FRMD4A: variants seen among roughly 807,000 people sequenced by gnomAD.
The protein encoded by FRMD4A is FERM domain-containing protein 4A.
A neutral mutation model predicts 129.1 loss-of-function variants in FRMD4A; 29 were observed. The observed-to-expected ratio is 0.22, with a 90% CI of 0.17 to 0.31. FRMD4A has a LOEUF of 0.31. Ranked by LOEUF, FRMD4A falls within the 10% of genes least tolerant of loss-of-function variation. The probability of loss-of-function intolerance (pLI) is 1.00; values close to 1 mark genes in which losing one functional copy is unlikely to be tolerated. For synonymous variants in FRMD4A, 634 were observed against 571.6 expected (o/e 1.11, Z -1.56); for missense variants, 1,272 against 1,375.8 (o/e 0.92, Z 1.19).
intron 3 of FRMD4A, among the ~76,000 whole-genome samples, chr10:13,831,693 C>A (rs907924497): frequency 1.3e-5 from 2 of 152,164 alleles, no homozygotes; most frequent in African/African-American, 4.8e-5. Flanking sequence ...ATAATTATTA[C>A]TTACTGCTTG....
At chr10:14,079,951 T>C (rs899124812) in intron 2 of FRMD4A, among the ~76,000 whole-genome samples, 15 of 152,116 alleles carry the variant, frequency 9.9e-5, no homozygotes, top group East Asian at 3.9e-4. Context: ...ATGAAATCAC[T>C]CCCTGTGTCC....
chr10:14,227,743 T>C (rs1843494818), intron 2 of FRMD4A, among the ~76,000 whole-genome samples: 1 of 152,230 alleles, frequency 6.6e-6, no homozygotes, highest in Non-Finnish European at 1.5e-5. Context: ...TGAGATGCTA[T>C]TGGTCACACA....
At chr10:14,282,336 A>G (rs1845547881) in intron 2 of FRMD4A, among the ~76,000 whole-genome samples, 1 of 152,196 alleles carries the variant, frequency 6.6e-6, no homozygotes, top group Non-Finnish European at 1.5e-5. Context: ...TAGACCAAGA[A>G]GTTTCACAGT....
At chr10:13,956,800 T>A (rs371807853) in intron 2 of FRMD4A, among the ~76,000 whole-genome samples, 3 of 152,220 alleles carry the variant, frequency 2.0e-5, no homozygotes, top group East Asian at 1.9e-4. Flanking sequence ...TAAGATTTCA[T>A]AAAACAGCAA....
At chr10:13,832,094 T>C (rs1224568128) in intron 3 of FRMD4A, among the ~76,000 whole-genome samples, 5 of 152,158 alleles carry the variant, frequency 3.3e-5, no homozygotes, top group South Asian at 4.1e-4. Flanking sequence ...TGGGCTCTGA[T>C]GATCAATTAC....
chr10:13,749,188 C>T (rs12218115), intron 8 of FRMD4A, among the ~76,000 whole-genome samples: 41,331 of 152,052 alleles, frequency 0.27, 5,920 homozygotes, highest in African/African-American at 0.36. Context: ...AAGCCTTAGC[C>T]GGGGTTGCAA....
chr10:13,843,128 G>A (rs1268867501), intron 3 of FRMD4A, among the ~76,000 whole-genome samples: 3 of 152,156 alleles, frequency 2.0e-5, no homozygotes, highest in African/African-American at 7.2e-5. Flanking sequence ...AACTGCTACA[G>A]CCTTAATCCA....
chr10:13,880,370 C>T (rs4258282), intron 2 of FRMD4A, among the ~76,000 whole-genome samples: 1,954 of 152,326 alleles, frequency 0.013, 48 homozygotes, highest in African/African-American at 0.045. Context: ...GTTCTGTCTT[C>T]AGAATATCCA....
chr10:14,211,497 G>A (rs1842932417), intron 2 of FRMD4A, among the ~76,000 whole-genome samples: 1 of 152,196 alleles, frequency 6.6e-6, no homozygotes, highest in East Asian at 1.9e-4. Flanking sequence ...TATTTCTACA[G>A]AACTGCTATA....
chr10:13,957,818 C>G (rs766475281), intron 2 of FRMD4A, among the ~76,000 whole-genome samples: 6 of 152,132 alleles, frequency 3.9e-5, no homozygotes, highest in Admixed American at 2.6e-4. Context: ...AAAACTCGCT[C>G]ACTCACTCCT....
At chr10:13,905,767 C>T (rs1227989184) in intron 2 of FRMD4A, among the ~76,000 whole-genome samples, 1 of 152,152 alleles carries the variant, frequency 6.6e-6, no homozygotes, top group Non-Finnish European at 1.5e-5. Flanking sequence ...AGATTTGTAT[C>T]CAAGTCAATT....
intron 2 of FRMD4A, among the ~76,000 whole-genome samples, chr10:14,114,064 T>G (rs1466615985): frequency 6.6e-6 from 1 of 152,158 alleles, no homozygotes; most frequent in Non-Finnish European, 1.5e-5. Context: ...CACACGTACT[T>G]GTGGGTATGG....
At chr10:14,261,062 A>G (rs149851213) in intron 2 of FRMD4A, among the ~76,000 whole-genome samples, 1 of 152,126 alleles carries the variant, frequency 6.6e-6, no homozygotes, top group African/African-American at 2.4e-5. Flanking sequence ...GTCAATAAAC[A>G]TATGGGACTG....
intron 2 of FRMD4A, chr10:14,326,832 G>A (rs1218444): frequency 5.0e-6 from 2 of 398,530 alleles, no homozygotes; most frequent in Non-Finnish European, 8.8e-6. Context: ...CTCCTCACGG[G>A]TTGGTGAACA....
intron 2 of FRMD4A, among the ~76,000 whole-genome samples, chr10:13,955,076 T>G (rs928325899): frequency 7.3e-5 from 11 of 150,232 alleles, no homozygotes; most frequent in African/African-American, 2.7e-4. Context: ...GGTAAGGTAG[T>G]CTTCCAACTC....
chr10:14,159,369 T>A (rs965510850), intron 2 of FRMD4A, among the ~76,000 whole-genome samples: 8 of 152,034 alleles, frequency 5.3e-5, no homozygotes, highest in Middle Eastern at 3.4e-3. Context: ...TCACTTACAA[T>A]TGCTGCCAAA....
At chr10:14,092,032 A>G (rs1485727345) in intron 2 of FRMD4A, among the ~76,000 whole-genome samples, 3 of 152,072 alleles carry the variant, frequency 2.0e-5, no homozygotes, top group Non-Finnish European at 4.4e-5. Flanking sequence ...ATTCCCCTGA[A>G]CCCCACCTCA....
chr10:13,882,855 G>T (rs888671517), intron 2 of FRMD4A, among the ~76,000 whole-genome samples: 2 of 150,700 alleles, frequency 1.3e-5, no homozygotes, highest in Non-Finnish European at 2.9e-5. Flanking sequence ...CCAGGCTGGA[G>T]TGCAGTGGCA....
At chr10:13,669,642 A>C (rs1474781255) in intron 17 of FRMD4A, among the ~76,000 whole-genome samples, 1 of 152,220 alleles carries the variant, frequency 6.6e-6, no homozygotes, top group African/African-American at 2.4e-5. Context: ...TTAATTAGTA[A>C]CTTCCTTCAG....
Sources: allele counts gnomAD v4.1 joint callset (sites outside exome capture counted in the v4.1 genomes callset), GRCh38; gene constraint gnomAD v4.1.1; transcripts MANE v1.5; gene names NCBI Gene and HGNC (gene_info 2026-07-23, HGNC 2026-07-21).